Variants in PRKG1 observed in about 807,000 individuals in gnomAD.
PRKG1 encodes protein kinase cGMP-dependent 1.
In PRKG1, 35 loss-of-function variants were observed where a neutral mutation model predicts 88.1. The observed-to-expected ratio is 0.40, with a 90% CI of 0.30 to 0.53. The LOEUF is 0.53. Ranked by LOEUF, PRKG1 falls within the 20% of genes least tolerant of loss-of-function variation. The pLI is 0.59. For synonymous variants in PRKG1, 303 were observed against 292.5 expected (o/e 1.04, Z -0.37); for missense variants, 540 against 839.8 (o/e 0.64, Z 4.41).
At chr10:51,313,262 A>T (rs2132493559) in intron 2 of PRKG1, among the ~76,000 whole-genome samples, 1 of 152,234 alleles carries the variant, frequency 6.6e-6, no homozygotes, top group African/African-American at 2.4e-5. Context: ...TGGCCCTATA[A>T]GAGAGAGGTG....
chr10:52,032,265 G>A (rs764844465), intron 5 of PRKG1, among the ~76,000 whole-genome samples: 2 of 152,126 alleles, frequency 1.3e-5, no homozygotes, highest in Non-Finnish European at 2.9e-5. Context: ...AAAACTGTTT[G>A]TAAGATTAGT....
intron 9 of PRKG1, among the ~76,000 whole-genome samples, chr10:52,222,226 C>T (rs1057428170): frequency 2.6e-5 from 4 of 152,114 alleles, no homozygotes; most frequent in East Asian, 1.9e-4. Flanking sequence ...CATGGGAGCA[C>T]GTGTGAAACA....
At chr10:51,868,633 C>G (rs1209215377) in intron 4 of PRKG1, among the ~76,000 whole-genome samples, 2 of 152,086 alleles carry the variant, frequency 1.3e-5, no homozygotes, top group Non-Finnish European at 2.9e-5. Context: ...GCCCAACCCA[C>G]AGTTTCCCCC....
chr10:51,240,118 C>G (rs1028702110), intron 2 of PRKG1, among the ~76,000 whole-genome samples: 2 of 152,128 alleles, frequency 1.3e-5, no homozygotes, highest in African/African-American at 4.8e-5. Flanking sequence ...ACCTTGCCAG[C>G]CACATCATAA....
At chr10:51,832,805 G>A (rs1840034960) in intron 4 of PRKG1, among the ~76,000 whole-genome samples, 1 of 152,156 alleles carries the variant, frequency 6.6e-6, no homozygotes, top group South Asian at 2.1e-4. Context: ...GCTATGGAAT[G>A]GTGAGGGGAG....
chr10:52,244,862 TTAAA>T (rs1168810645), intron 9 of PRKG1, among the ~76,000 whole-genome samples: 2 of 116,268 alleles, frequency 1.7e-5, no homozygotes, highest in Non-Finnish European at 1.7e-5. Context: ...TTTTATATAT[TTAAA>T]TATTATAAAA....
At chr10:51,292,600 A>G (rs1365499198) in intron 2 of PRKG1, among the ~76,000 whole-genome samples, 2 of 152,140 alleles carry the variant, frequency 1.3e-5, no homozygotes, top group African/African-American at 4.8e-5. Flanking sequence ...GTTTTTCTGC[A>G]TTGGCCAATA....
intron 5 of PRKG1, among the ~76,000 whole-genome samples, chr10:51,922,659 G>A (rs1053348709): frequency 6.6e-6 from 1 of 151,822 alleles, no homozygotes; most frequent in East Asian, 1.9e-4. Flanking sequence ...TGAGCCATAT[G>A]TTATTTTAAA....
chr10:51,617,285 GGT>G (rs2132255280), intron 3 of PRKG1, among the ~76,000 whole-genome samples: 1 of 152,148 alleles, frequency 6.6e-6, no homozygotes, highest in South Asian at 2.1e-4. Flanking sequence ...CCTTCTATTA[GGT>G]GTATCCTGTC....
chr10:52,169,899 G>T (rs1838615222), intron 9 of PRKG1, among the ~76,000 whole-genome samples: 1 of 152,050 alleles, frequency 6.6e-6, no homozygotes, highest in East Asian at 1.9e-4. Flanking sequence ...GTGGTTCTCA[G>T]GTCCTTTTAA....
At chr10:52,171,947 C>T (rs1838702151) in intron 9 of PRKG1, among the ~76,000 whole-genome samples, 1 of 150,568 alleles carries the variant, frequency 6.6e-6, no homozygotes. Flanking sequence ...GGACTACAGG[C>T]GCCCGCCACC....
intron 2 of PRKG1, among the ~76,000 whole-genome samples, chr10:51,343,651 T>C (rs940731379): frequency 6.6e-6 from 1 of 152,194 alleles, no homozygotes; most frequent in Non-Finnish European, 1.5e-5. Context: ...TAAATTATTT[T>C]TCACTTAATT....
chr10:51,867,212 T>C (rs1406349735), intron 4 of PRKG1, among the ~76,000 whole-genome samples: 1 of 152,164 alleles, frequency 6.6e-6, no homozygotes, highest in Non-Finnish European at 1.5e-5. Context: ...AATTTCAACA[T>C]TTCTGAATAT....
At position 51,601,332 on chromosome 10, in the gene PRKG1, T is replaced by C. The variant is rs549911159; in HGVS notation, c.592+133496T>C. Among the ~76,000 whole-genome samples the C allele has an allele frequency of 2.3e-3, 353 of 152,222 alleles. 2 individuals are homozygous for C. The highest frequency in any genetic ancestry group is 8.2e-3 in the African/African-American group (340 of 41,558). ...AGGAATAGTTTGAAAAATAAAACCGTACATGAATATTTTAGAAAGGCGAAG... is the reference window on the plus strand; with the variant it reads ...AGGAATAGTTTGAAAAATAAAACCGCACATGAATATTTTAGAAAGGCGAAG... On this transcript the variant is annotated intron_variant, in intron 3 of 17. Transcript: ENST00000373980.
At chr10:52,081,748 G>A (rs1382469655) in intron 7 of PRKG1, 2 of 449,494 alleles carry the variant, frequency 4.4e-6, no homozygotes. Context: ...GTAGGTTGGA[G>A]GAATTTGCAA....
At chr10:51,880,007 T>C (rs536744239) in intron 4 of PRKG1, among the ~76,000 whole-genome samples, 50 of 152,314 alleles carry the variant, frequency 3.3e-4, no homozygotes, top group African/African-American at 1.1e-3. Flanking sequence ...GATTTCTGCA[T>C]TGCACAGTAC....
rs1371757309 is a variant in PRKG1 at position 52,258,022 on chromosome 10, T to C, written c.1173+6356T>C. On this transcript the variant is annotated intron_variant, in intron 10 of 17. Transcript: ENST00000373980. The stretch of plus-strand genomic sequence containing the variant: ...TTGTAGAATAAATTTCTTTTGTACA[T>C]TGATAATTATAATAAAATTTAGATT... Among the ~76,000 whole-genome samples the C allele has an allele frequency of 1.4e-5, 2 of 139,760 alleles. 1 individual carries two copies. Among genetic ancestry groups the C allele is most frequent in the African/African-American group, 4.9e-5 (2 of 40,410 alleles). The allele number at this position is 139,760 out of a possible 152,430, so 91.7% of individuals were successfully genotyped here.
intron 2 of PRKG1, among the ~76,000 whole-genome samples, chr10:51,278,054 A>G (rs71271690): frequency 6.6e-6 from 1 of 152,156 alleles, no homozygotes. Flanking sequence ...GAATGCTTCC[A>G]GTTTTTGCCC....
chr10:51,593,253 T>C (rs1423025082), intron 3 of PRKG1, among the ~76,000 whole-genome samples: 1 of 152,212 alleles, frequency 6.6e-6, no homozygotes, highest in African/African-American at 2.4e-5. Flanking sequence ...ATACAAATTA[T>C]ATTGTCTTCA....
Sources: allele counts gnomAD v4.1 joint callset (sites outside exome capture counted in the v4.1 genomes callset), GRCh38; gene constraint gnomAD v4.1.1; transcripts MANE v1.5; gene names NCBI Gene and HGNC (gene_info 2026-07-23, HGNC 2026-07-21).